The following CDC25A variants were observed in gnomAD, a reference collection of about 807,000 sequenced individuals.
The protein encoded by CDC25A is M-phase inducer phosphatase 1.
Under a neutral mutation model 64.6 loss-of-function variants are expected in CDC25A, and 17 were observed. The observed-to-expected ratio is 0.26, with a 90% CI of 0.18 to 0.39. The LOEUF (loss-of-function observed/expected upper bound fraction) is 0.39, where lower values mean the gene tolerates loss of function less well. CDC25A is among the 10% of genes least tolerant of loss of function. The pLI is 1.00. For synonymous variants in CDC25A, 229 were observed against 238.6 expected (o/e 0.96, Z 0.37); for missense variants, 473 against 654.8 (o/e 0.72, Z 3.03).
chr3:48,163,556 A>G (rs1487290594), intron 13 of CDC25A, among the ~76,000 whole-genome samples: 1 of 152,132 alleles, frequency 6.6e-6, no homozygotes, highest in Non-Finnish European at 1.5e-5. Flanking sequence ...GTGAGAAGAG[A>G]TTGTGCCACT....
rs181081390 is a variant in CDC25A, at chr3:48,157,678, C to T, written c.*1267G>A. 3.6e-4 allele frequency: 55 copies of T among 152,648 alleles called. 1 individual carries two copies. The highest frequency in any genetic ancestry group is 1.3e-3 in the African/African-American group (52 of 41,524). The allele number at this position is 152,648 out of a possible 1,614,324, so 9.5% of individuals were successfully genotyped here. A position where few individuals can be genotyped will look rare whatever the true frequency, so the allele number is the denominator to read the frequency against. Reference sequence around the variant, plus strand: ...TTATGGAGTTAGATAAGGGGACAACCGGTGATGATTCATCACTCCCTGTCT... The same window carrying T: ...TTATGGAGTTAGATAAGGGGACAACTGGTGATGATTCATCACTCCCTGTCT... On this transcript the variant is annotated 3_prime_UTR_variant, in exon 15 of 15. Coordinates refer to ENST00000302506, the MANE Select transcript of CDC25A (RefSeq NM_001789.3).
chr3:48,177,402 G>A lies in CDC25A; in HGVS notation c.725C>T (p.Thr242Ile), dbSNP rs2032503680. 6.2e-7 allele frequency: 1 copy of A among 1,614,048 alleles called. No homozygotes were observed. Among genetic ancestry groups the A allele is most frequent in the East Asian group, 2.2e-5 (1 of 44,892 alleles). ...TGTAGTTCTCATGACGAGAGGAGCT[G>A]TCCAGAGGCTTGCCATGCACGAGGG... is the stretch of plus-strand genomic sequence containing the variant. ...ETPSCMASLW[T>I]APLVMRTTNL... The change falls in exon 8 of 15, where the codon ACA (threonine) becomes ATA (isoleucine). Residue 242 changes from threonine to isoleucine, a missense_variant. Transcript: ENST00000302506.
intron 9 of CDC25A, among the ~76,000 whole-genome samples, chr3:48,168,724 T>G (rs1209233408): frequency 6.6e-6 from 1 of 151,326 alleles, no homozygotes; most frequent in Non-Finnish European, 1.5e-5. Context: ...ACAGTGATCT[T>G]GGCTCACTGT....
intron 9 of CDC25A, among the ~76,000 whole-genome samples, chr3:48,168,408 A>ACACACACACACACAC (rs2032132091): frequency 5.5e-5 from 8 of 144,320 alleles, no homozygotes; most frequent in East Asian, 4.0e-4. Context: ...ACACACACAC[A>ACACACACACACACAC]AGCTGGGCAT....
chr3:48,182,042 C>T (rs569870134), intron 5 of CDC25A, among the ~76,000 whole-genome samples: 3 of 152,298 alleles, frequency 2.0e-5, no homozygotes, highest in South Asian at 2.1e-4. Context: ...AAGCTCCAGG[C>T]AAGCAACCCT....
chr3:48,162,266 T>TG (rs2031801550), intron 13 of CDC25A, among the ~76,000 whole-genome samples: 2 of 144,796 alleles, frequency 1.4e-5, no homozygotes, highest in African/African-American at 5.1e-5. Flanking sequence ...AGTATAACCT[T>TG]TGTGTGTGTG....
At position 48,174,382 on chromosome 3, in the gene CDC25A, G is replaced by A; in HGVS notation, c.832C>T (p.Arg278Ter). 1.2e-6 allele frequency: 2 copies of A among 1,614,108 alleles called. No individual in the cohort carries two copies. The highest frequency in any genetic ancestry group is 1.7e-6 in the Non-Finnish European group (2 of 1,179,982). The stretch of plus-strand genomic sequence containing the variant: ...CCAGGTGGAGACTCCTCTTGAGATC[G>A]TTCTGGTCTCTTCAACACTGACCGA... ...STRSVLKRPE[R>*]SQEESPPGST... Residue 278 changes from arginine to a stop codon, truncating the protein, a stop_gained, in exon 9 of 15, where the codon CGA becomes TGA. Coordinates refer to ENST00000302506, the MANE Select transcript of CDC25A (RefSeq NM_001789.3). LOFTEE classifies it high-confidence loss of function.
At chr3:48,175,730 C>G (rs2032431119) in intron 8 of CDC25A, among the ~76,000 whole-genome samples, 1 of 152,204 alleles carries the variant, frequency 6.6e-6, no homozygotes, top group African/African-American at 2.4e-5. Flanking sequence ...AACTAACAGC[C>G]ACTTCCAAAG....
rs2031555114 is a variant in CDC25A at position 48,157,254 on chromosome 3, G to C, written c.*1691C>G. 6.6e-6 allele frequency: 1 copy of C among 152,146 alleles called. No individual in the cohort carries two copies. The highest frequency in any genetic ancestry group is 2.4e-5 in the African/African-American group (1 of 41,430). 9.4% of individuals were successfully genotyped at this position (152,146 alleles called of 1,614,324 possible). On this transcript the variant is annotated 3_prime_UTR_variant, in exon 15 of 15. Transcript: ENST00000302506. ...CTAGCTAAGCTGGTATAATCTGAAG[G>C]CCATCCCACCTTTCTCTTTAGGCAG...
At chr3:48,159,800 C>T (rs1225066712) in intron 13 of CDC25A, among the ~76,000 whole-genome samples, 2 of 152,184 alleles carry the variant, frequency 1.3e-5, no homozygotes, top group African/African-American at 4.8e-5. Flanking sequence ...CAGCCAGGCT[C>T]CCTCACTCAC....
intron 4 of CDC25A, 72 bp downstream of exon 4, chr3:48,183,728 T>C (rs2032748626): frequency 2.1e-6 from 2 of 939,736 alleles, no homozygotes; most frequent in Non-Finnish European, 3.4e-6. Flanking sequence ...TTAAGTCTCC[T>C]ATCAAGGTCA....
At chr3:48,187,736 G>C (rs1054733220) in intron 1 of CDC25A, 42 bp downstream of exon 1, 1 of 1,515,590 alleles carries the variant, frequency 6.6e-7, no homozygotes, top group African/African-American at 1.4e-5. Flanking sequence ...GGCCGACACC[G>C]AGGCCAGGGG....
intron 12 of CDC25A, 21 bp from the exon 13 acceptor site, chr3:48,164,458 C>T: frequency 1.3e-6 from 2 of 1,504,560 alleles, no homozygotes; most frequent in South Asian, 2.7e-5. Context: ...AACAGAGACC[C>T]TTGGAACCTG....
rs1400753678 is a variant in CDC25A at position 48,187,867 on chromosome 3, C to T, written c.81G>A (p.Val27=). 3 of 1,548,282 alleles carry T rather than the reference C, an allele frequency of 1.9e-6. No individual in the cohort carries two copies. Among genetic ancestry groups the T allele is most frequent in the Admixed American group, 2.0e-5 (1 of 51,026 alleles). ...CGGCTGAAGCGCCAAATAGCGCCTT[C>T]ACGACGGGCTGCGACGCGGGAGGGG... ...CSPPPASQPV[V]KALFGASAAG... Residue 27 remains valine, a synonymous_variant, in exon 1 of 15, where the codon GTG becomes GTA. Transcript: ENST00000302506.
At chr3:48,165,771 G>T (rs547742544) in intron 11 of CDC25A, 37 bp from the exon 12 acceptor site, 2 of 1,592,360 alleles carry the variant, frequency 1.3e-6, no homozygotes, top group Non-Finnish European at 8.6e-7. Flanking sequence ...AACTTTGACC[G>T]TCAGGGAAAA....
At chr3:48,168,500 C>A (rs1242891549) in intron 9 of CDC25A, among the ~76,000 whole-genome samples, 3 of 151,234 alleles carry the variant, frequency 2.0e-5, no homozygotes, top group African/African-American at 7.3e-5. Context: ...GAGGCTACAG[C>A]AAGTGGTGAT....
intron 12 of CDC25A, 70 bp downstream of exon 12, chr3:48,165,565 CT>C (rs1176402825): frequency 9.6e-7 from 1 of 1,041,406 alleles, no homozygotes; most frequent in Non-Finnish European, 1.5e-6. Flanking sequence ...CCAGGTGTCA[CT>C]GTCCTCCCCA....
chr3:48,178,057 T>G, intron 6 of CDC25A, 69 bp from the exon 7 acceptor site: 1 of 1,439,192 alleles, frequency 6.9e-7, no homozygotes, highest in Non-Finnish European at 9.5e-7. Flanking sequence ...AATGGGTCAC[T>G]AGTTTTTATG....
chr3:48,165,718 T>C lies in CDC25A; in HGVS notation c.1109A>G (p.Asn370Ser). The change falls in exon 12 of 15, where the codon AAT (asparagine) becomes AGT (serine). Residue 370 changes from asparagine (N) to serine (S), a missense_variant. Around this residue, in one of 2 missense-constraint regions of CDC25A, gnomAD observed 97 missense variants for 223.0 expected, o/e 0.43. Coordinates refer to ENST00000302506, the MANE Select transcript of CDC25A (RefSeq NM_001789.3). ...ISPEIMASVL[N>S]GKFANLIKEF... ...TTTAATGAGGTTGGCAAACTTGCCA[T>C]TCAAAACAGATGCCATCTGTTGAGA... The C allele has an allele frequency of 6.2e-7, 1 of 1,613,746 alleles. No homozygotes were observed. The highest frequency in any genetic ancestry group is 8.5e-7 in the Non-Finnish European group (1 of 1,179,634).
Sources: gnomAD v4.1 joint callset for allele counts (sites outside exome capture counted in the v4.1 genomes callset) on GRCh38, gnomAD v4.1.1 for gene constraint, gnomAD v4.1.1 regional missense constraint, MANE v1.5 for transcripts, NCBI Gene and HGNC (gene_info 2026-07-23, HGNC 2026-07-21) for gene names.